The following KHDRBS2 variants were observed in gnomAD, a reference collection of about 807,000 sequenced individuals.
The protein encoded by KHDRBS2 is KH RNA binding domain containing, signal transduction associated 2.
Under a neutral mutation model 44.3 loss-of-function variants are expected in KHDRBS2, and 26 were observed. That is an observed-to-expected ratio of 0.59 (90% CI 0.43 to 0.81). The LOEUF (loss-of-function observed/expected upper bound fraction) is 0.81, where lower values mean the gene tolerates loss of function less well. Ranked by LOEUF, KHDRBS2 falls within the 40% of genes least tolerant of loss-of-function variation. KHDRBS2 has a pLI of 0.00. For missense variants in KHDRBS2, 476 were observed against 433.1 expected, an observed-to-expected ratio of 1.10 and a Z score of -0.88; for synonymous variants, 194 against 151.1, an observed-to-expected ratio of 1.28 and a Z score of -2.08.
chr6:62,230,890 T>C (rs1164924619), intron 1 of KHDRBS2, among the ~76,000 whole-genome samples: 4 of 152,190 alleles, frequency 2.6e-5, no homozygotes, highest in Non-Finnish European at 5.9e-5. Flanking sequence ...TGGTTAAGAA[T>C]TGTATCAAAA....
At chr6:61,978,758 C>T (rs1311290118) in intron 3 of KHDRBS2, among the ~76,000 whole-genome samples, 2 of 152,090 alleles carry the variant, frequency 1.3e-5, no homozygotes, top group Non-Finnish European at 2.9e-5. Flanking sequence ...CTTATACCCA[C>T]AGCTTTTCTA....
At chr6:61,779,247 C>T (rs1433832177) in intron 6 of KHDRBS2, among the ~76,000 whole-genome samples, 2 of 152,118 alleles carry the variant, frequency 1.3e-5, no homozygotes, top group African/African-American at 4.8e-5. Flanking sequence ...CTTGGATCCA[C>T]TTCCTAACAT....
intron 2 of KHDRBS2, among the ~76,000 whole-genome samples, chr6:62,094,081 T>G (rs9445904): frequency 0.023 from 3,437 of 151,992 alleles, 137 homozygotes; most frequent in African/African-American, 0.079. Context: ...AATACTATTT[T>G]TAATATTTTG....
At chr6:62,010,467 G>A (rs1034872707) in intron 3 of KHDRBS2, among the ~76,000 whole-genome samples, 1 of 152,156 alleles carries the variant, frequency 6.6e-6, no homozygotes, top group Non-Finnish European at 1.5e-5. Context: ...GGGAAGGCAT[G>A]ATTGGTTTTG....
intron 8 of KHDRBS2, among the ~76,000 whole-genome samples, chr6:61,688,904 A>G (rs1252009971): frequency 6.6e-6 from 1 of 151,900 alleles, no homozygotes; most frequent in African/African-American, 2.4e-5. Context: ...GAGCCCCTTC[A>G]ACCACACCTT....
chr6:61,554,573 G>A, the KHDRBS2 span, among the ~76,000 whole-genome samples: 1 of 152,088 alleles, frequency 6.6e-6, no homozygotes, highest in Non-Finnish European at 1.5e-5. Flanking sequence ...GGGTTATTAT[G>A]CAGATATTTT....
chr6:62,256,107 C>T (rs1042212393), intron 1 of KHDRBS2, among the ~76,000 whole-genome samples: 1 of 151,750 alleles, frequency 6.6e-6, no homozygotes, highest in Non-Finnish European at 1.5e-5. Flanking sequence ...TGCACTCCAA[C>T]CTAGGGGACA....
At chr6:61,781,482 A>G (rs1388676718) in intron 6 of KHDRBS2, among the ~76,000 whole-genome samples, 1 of 152,212 alleles carries the variant, frequency 6.6e-6, no homozygotes, top group Non-Finnish European at 1.5e-5. Context: ...AAGAGAAGCA[A>G]AAAAGAACAA....
intron 4 of KHDRBS2, among the ~76,000 whole-genome samples, chr6:61,918,972 G>A (rs1807526405): frequency 6.6e-6 from 1 of 151,826 alleles, no homozygotes; most frequent in Non-Finnish European, 1.5e-5. Flanking sequence ...ACGGAAATCA[G>A]GTTTCTTCTC....
chr6:61,887,348 G>A (rs1048431670), intron 6 of KHDRBS2, among the ~76,000 whole-genome samples: 13 of 152,152 alleles, frequency 8.5e-5, no homozygotes, highest in Middle Eastern at 3.4e-3. Context: ...GGGAGTTTTT[G>A]TTGAAATATT....
intron 1 of KHDRBS2, among the ~76,000 whole-genome samples, chr6:62,180,388 T>C (rs1012120912): frequency 1.3e-5 from 2 of 151,886 alleles, no homozygotes; most frequent in Non-Finnish European, 2.9e-5. Context: ...GTTCCATTTC[T>C]ATATACTAGC....
intron 7 of KHDRBS2, among the ~76,000 whole-genome samples, chr6:61,708,293 G>T (rs974886612): frequency 2.6e-5 from 4 of 151,428 alleles, no homozygotes; most frequent in Admixed American, 6.6e-5. Flanking sequence ...TATATTCAAA[G>T]AAGCAGAAAT....
At chr6:61,958,722 C>T (rs1767976215) in intron 4 of KHDRBS2, among the ~76,000 whole-genome samples, 1 of 152,114 alleles carries the variant, frequency 6.6e-6, no homozygotes, top group Non-Finnish European at 1.5e-5. Flanking sequence ...ACATAAAATA[C>T]TCTATTTCAC....
the KHDRBS2 span, among the ~76,000 whole-genome samples, chr6:61,587,569 T>C: frequency 6.6e-6 from 1 of 152,160 alleles, no homozygotes. Flanking sequence ...TTGGCATGGA[T>C]GTCCCAGTCT....
the KHDRBS2 span, among the ~76,000 whole-genome samples, chr6:61,608,147 T>G: frequency 3.8e-4 from 58 of 152,136 alleles, no homozygotes; most frequent in African/African-American, 1.2e-3. Flanking sequence ...CCCAGATACT[T>G]TTTATGAAGG....
intron 7 of KHDRBS2, among the ~76,000 whole-genome samples, chr6:61,718,563 GT>G (rs1771826017): frequency 1.3e-5 from 2 of 151,972 alleles, no homozygotes; most frequent in Non-Finnish European, 2.9e-5. Context: ...TATTGGATTG[GT>G]TTTCCTCTGC....
At chr6:61,746,897 G>C (rs1449780306) in intron 6 of KHDRBS2, among the ~76,000 whole-genome samples, 2 of 151,988 alleles carry the variant, frequency 1.3e-5, no homozygotes, top group Non-Finnish European at 2.9e-5. Context: ...TTAAACTAAA[G>C]AGCTTCTGCA....
intron 6 of KHDRBS2, among the ~76,000 whole-genome samples, chr6:61,826,512 T>C (rs1790886909): frequency 6.6e-6 from 1 of 152,018 alleles, no homozygotes; most frequent in African/African-American, 2.4e-5. Context: ...TTTTAAAGCT[T>C]CCTGCTGTTA....
At chr6:61,606,687 A>G in the KHDRBS2 span, among the ~76,000 whole-genome samples, 1 of 152,204 alleles carries the variant, frequency 6.6e-6, no homozygotes, top group Admixed American at 6.5e-5. Context: ...ATGTAACCTC[A>G]CAGGTAGCAG....
Sources: gnomAD v4.1 joint callset for allele counts (sites outside exome capture counted in the v4.1 genomes callset) on GRCh38, gnomAD v4.1.1 for gene constraint, MANE v1.5 for transcripts, NCBI Gene and HGNC (gene_info 2026-07-23, HGNC 2026-07-21) for gene names.